RPAP3: variants seen among roughly 807,000 people sequenced by gnomAD.
The protein encoded by RPAP3 is RNA polymerase II associated protein 3, also known as RNA polymerase II-associated protein 3.
RPAP3 carries 58 observed loss-of-function variants against 88.8 expected under a neutral mutation model. The observed-to-expected ratio is 0.65, with a 90% CI of 0.53 to 0.81. The LOEUF is 0.81. Among genes scored for constraint, RPAP3 ranks in the 40% least tolerant of loss-of-function variants. The probability of loss-of-function intolerance (pLI) is 0.00; values close to 1 mark genes in which losing one functional copy is unlikely to be tolerated. For synonymous variants in RPAP3, 255 were observed against 259.9 expected (o/e 0.98, Z 0.18); for missense variants, 751 against 764.3 (o/e 0.98, Z 0.20).
At chr12:47,669,553 TA>T (rs1440037684) in intron 13 of RPAP3, among the ~76,000 whole-genome samples, 2 of 152,280 alleles carry the variant, frequency 1.3e-5, no homozygotes, top group Non-Finnish European at 2.9e-5. Context: ...GTTCAAAGTT[TA>T]AAAGAAAAAA....
At chr12:47,701,341 T>C (rs955369419) in intron 3 of RPAP3, 123 bp downstream of exon 3, 3 of 608,530 alleles carry the variant, frequency 4.9e-6, no homozygotes, top group Non-Finnish European at 7.8e-6. Flanking sequence ...CCACATAAAA[T>C]CATGAATAAG....
Position 47,701,623 on chromosome 12 carries a change from A to C in RPAP3, c.154-19T>G. ...GTAAATTCTAAGGAGGGAAAAAAAAACACAAAGTTGTGAGTATTATGCTCT... is the reference window on the plus strand; with the variant it reads ...GTAAATTCTAAGGAGGGAAAAAAAACCACAAAGTTGTGAGTATTATGCTCT... On this transcript the variant is annotated intron_variant, in intron 2 of 16. Coordinates refer to ENST00000005386, the MANE Select transcript of RPAP3 (RefSeq NM_024604.3). The C allele has an allele frequency of 6.4e-7, 1 of 1,561,578 alleles. No homozygotes were observed. Among genetic ancestry groups the C allele is most frequent in the South Asian group, 1.2e-5 (1 of 81,068 alleles).
intron 16 of RPAP3, among the ~76,000 whole-genome samples, chr12:47,665,338 A>C (rs1938848757): frequency 6.7e-6 from 1 of 148,982 alleles, no homozygotes; most frequent in African/African-American, 2.5e-5. Context: ...CCTGGTCTTG[A>C]GCTCTTGACT....
At chr12:47,703,660 G>A (rs764857392) in intron 1 of RPAP3, among the ~76,000 whole-genome samples, 4 of 152,132 alleles carry the variant, frequency 2.6e-5, no homozygotes, top group Non-Finnish European at 5.9e-5. Context: ...AAAGGGGCCC[G>A]CCAAGTGACT....
intron 12 of RPAP3, among the ~76,000 whole-genome samples, chr12:47,673,100 A>G (rs1198715750): frequency 6.6e-6 from 1 of 152,156 alleles, no homozygotes; most frequent in Non-Finnish European, 1.5e-5. Context: ...GAAAACAACT[A>G]GATTTATGCC....
intron 5 of RPAP3, 100 bp downstream of exon 5, chr12:47,696,176 T>C: frequency 9.9e-7 from 1 of 1,013,270 alleles, no homozygotes; most frequent in East Asian, 2.9e-5. Flanking sequence ...TGCAATACAT[T>C]TTCAATCTGT....
intron 12 of RPAP3, among the ~76,000 whole-genome samples, chr12:47,673,280 T>G (rs1262980420): frequency 6.6e-6 from 1 of 151,466 alleles, no homozygotes; most frequent in Non-Finnish European, 1.5e-5. Context: ...CTGTCTCTAC[T>G]AAAAATACAA....
rs1024082764 is a variant in RPAP3 at position 47,662,807 on chromosome 12, A to G, written c.*698T>C. The G allele has an allele frequency of 2.6e-5, 4 of 152,282 alleles. No homozygotes were observed. The highest frequency in any genetic ancestry group is 9.7e-5 in the African/African-American group (4 of 41,448). The allele number at this position is 152,282 out of a possible 1,614,324, so 9.4% of individuals were successfully genotyped here. A position where few individuals can be genotyped will look rare whatever the true frequency, so the allele number is the denominator to read the frequency against. ...CGCTACACTCACATCCAACAAATAC[A>G]TATGGGCTATATGCTAATTAGTACT... On this transcript the variant is annotated 3_prime_UTR_variant, in exon 17 of 17. Transcript: ENST00000005386.
At position 47,687,945 on chromosome 12, in the gene RPAP3, T is replaced by C. The variant is rs1939357107; in HGVS notation, c.795A>G (p.Ser265=). 6.2e-7 allele frequency: 1 copy of C among 1,613,640 alleles called. No homozygotes were observed. Among genetic ancestry groups the C allele is most frequent in the Admixed American group, 1.7e-5 (1 of 59,970 alleles). Residue 265 remains serine (S), a synonymous_variant, in exon 8 of 17, where the codon TCA becomes TCG. Transcript: ENST00000005386. ...YPKEADIVIK[S]TEGERKQIEA... ...CAATTTGCTTTCGCTCTCCTTCTGT[T>C]GACTTAATCACTATGTCAGCTTCCT...
chr12:47,667,814 T>C lies in RPAP3; in HGVS notation c.1751A>G (p.Lys584Arg). Residue 584 changes from lysine (K) to arginine (R), a missense_variant, in exon 15 of 17, where the codon AAA (lysine) becomes AGA (arginine). Lys to Arg is a conservative substitution (Grantham distance 26). Coordinates refer to ENST00000005386, the MANE Select transcript of RPAP3 (RefSeq NM_024604.3). The part of the protein sequence containing the change: ...EPSLYPKLFQ[K>R]NLDPDVFNQI... ...GTTGAATACATCTGGATCCAGATTT[T>C]TCTGAAACAACTTAGGATACAAAGA... 5 of 1,608,504 alleles carry C rather than the reference T, an allele frequency of 3.1e-6. No homozygotes were observed. The highest frequency in any genetic ancestry group is 4.2e-6 in the Non-Finnish European group (5 of 1,176,858).
intron 16 of RPAP3, 65 bp downstream of exon 16, chr12:47,666,915 A>T (rs1189367825): frequency 4.4e-6 from 3 of 685,436 alleles, no homozygotes; most frequent in Non-Finnish European, 7.2e-6. Flanking sequence ...AATGTCAGCT[A>T]TTATTTGTTG....
rs1939455014 is a variant in RPAP3 at position 47,692,905 on chromosome 12, A to G, written c.546-2266T>C. On this transcript the variant is annotated intron_variant, in intron 5 of 16. Coordinates refer to ENST00000005386, the MANE Select transcript of RPAP3 (RefSeq NM_024604.3). ...TGTTTGTTTGTTTGCTTTGAGACAG[A>G]GCGTCACTCTCTCGCCCCGGCTGGA... Among the ~76,000 whole-genome samples, 5 of 152,262 alleles carry G rather than the reference A, an allele frequency of 3.3e-5. 1 individual carries two copies. Among genetic ancestry groups the G allele is most frequent in the African/African-American group, 1.2e-4 (5 of 41,536 alleles).
At chr12:47,704,853 A>G (rs1939747405) in intron 1 of RPAP3, among the ~76,000 whole-genome samples, 1 of 151,988 alleles carries the variant, frequency 6.6e-6, no homozygotes, top group East Asian at 1.9e-4. Context: ...TCTCTACTAA[A>G]AACACAAAAA....
At chr12:47,690,945 A>G (rs1275635715) in intron 5 of RPAP3, among the ~76,000 whole-genome samples, 1 of 152,244 alleles carries the variant, frequency 6.6e-6, no homozygotes, top group African/African-American at 2.4e-5. Flanking sequence ...AGTGTGCAAA[A>G]GCTTTATGTC....
chr12:47,667,698 C>A, intron 15 of RPAP3, 56 bp downstream of exon 15: 1 of 944,254 alleles, frequency 1.1e-6, no homozygotes, highest in Non-Finnish European at 1.6e-6. Context: ...TTTCCAAAAA[C>A]CTATCAATAA....
intron 9 of RPAP3, among the ~76,000 whole-genome samples, chr12:47,682,692 A>C (rs1939248252): frequency 6.6e-6 from 1 of 151,836 alleles, no homozygotes; most frequent in Non-Finnish European, 1.5e-5. Flanking sequence ...AAAAAAAAAA[A>C]AACACTCCTG....
At chr12:47,676,158 C>T (rs1283700979) in intron 12 of RPAP3, among the ~76,000 whole-genome samples, 3 of 152,048 alleles carry the variant, frequency 2.0e-5, no homozygotes, top group Non-Finnish European at 4.4e-5. Context: ...GGGTAACTAA[C>T]GAAATGAAGG....
Position 47,668,983 on chromosome 12 carries a change from G to C in RPAP3, c.1646C>G (p.Ser549Trp), listed in dbSNP as rs779510671. 1 of 1,613,970 alleles carries C rather than the reference G, an allele frequency of 6.2e-7. No homozygotes were observed. The highest frequency in any genetic ancestry group is 2.2e-5 in the East Asian group (1 of 44,858). ...TTVLPPIPAN[S>W]FQLESDFRQL... ...TCTGAAATCAGATTCGAGCTGGAAC[G>C]AGTTTGCAGGAATTGGAGGAAGAAC... Residue 549 changes from serine to tryptophan, a missense_variant, in exon 14 of 17, where the codon TCG becomes TGG. Ser to Trp is a radical substitution (Grantham distance 177). Transcript: ENST00000005386.
chr12:47,682,377 A>G (rs1337098574), intron 9 of RPAP3, among the ~76,000 whole-genome samples: 1 of 152,188 alleles, frequency 6.6e-6, no homozygotes, highest in Admixed American at 6.5e-5. Context: ...GCTTAAGAAG[A>G]GCTCAACCCC....
Sources: gnomAD v4.1 joint callset for allele counts (sites outside exome capture counted in the v4.1 genomes callset) on GRCh38, gnomAD v4.1.1 for gene constraint, MANE v1.5 for transcripts, NCBI Gene and HGNC (gene_info 2026-07-23, HGNC 2026-07-21) for gene names.